ZNF225: variants seen among roughly 807,000 people sequenced by gnomAD.
ZNF225 encodes the protein zinc finger protein 225.
A neutral mutation model predicts 12.0 loss-of-function variants in ZNF225; 6 were observed. The observed-to-expected ratio is 0.50, with a 90% CI of 0.27 to 0.98. ZNF225 has a LOEUF of 0.98. Ranked by LOEUF, ZNF225 falls within the 50% of genes least tolerant of loss-of-function variation. The pLI is 0.11. For missense variants in ZNF225, 763 were observed against 848.2 expected (o/e 0.90, Z 1.25); for synonymous variants, 271 against 283.2 (o/e 0.96, Z 0.43).
chr19:44,122,743 G>C (rs1968079099), intron 4 of ZNF225, among the ~76,000 whole-genome samples: 1 of 151,750 alleles, frequency 6.6e-6, no homozygotes, highest in South Asian at 2.1e-4. Flanking sequence ...CTGAGTATTT[G>C]ATTTTTTTTG....
At position 44,132,200 on chromosome 19, in the gene ZNF225, C is replaced by T; in HGVS notation, c.1586C>T (p.Ser529Phe). 1.9e-6 allele frequency: 3 copies of T among 1,613,948 alleles called. No homozygotes were observed. The highest frequency in any genetic ancestry group is 1.7e-6 in the Non-Finnish European group (2 of 1,180,006). Reference sequence around the variant, plus strand: ...TTTACTCAGAATTCACAACTTTATTCTCATCGCAGAGTCCACACTGGAGTA... The same window carrying T: ...TTTACTCAGAATTCACAACTTTATTTTCATCGCAGAGTCCACACTGGAGTA... Reference protein sequence around the residue: ...KRFTQNSQLYSHRRVHTGVKP... With the variant: ...KRFTQNSQLYFHRRVHTGVKP... The change falls in exon 5 of 5, where the codon TCT becomes TTT. Residue 529 changes from serine to phenylalanine, a missense_variant. By Grantham distance (155) the Ser-to-Phe change is radical (BLOSUM62 -2). Coordinates refer to ENST00000262894, the MANE Select transcript of ZNF225 (RefSeq NM_013362.4).
chr19:44,111,730 G>T (rs1427834045), upstream of ZNF225, among the ~76,000 whole-genome samples: 1 of 152,170 alleles, frequency 6.6e-6, no homozygotes, highest in African/African-American at 2.4e-5. Flanking sequence ...TCCAAAATAG[G>T]TAATAGAAAA....
intron 4 of ZNF225, among the ~76,000 whole-genome samples, chr19:44,119,095 C>T (rs897594087): frequency 2.0e-5 from 3 of 152,086 alleles, no homozygotes; most frequent in African/African-American, 4.8e-5. Context: ...GGATTACAGG[C>T]GTGAGCCACC....
intron 1 of ZNF225, among the ~76,000 whole-genome samples, chr19:44,114,763 G>T (rs1967905407): frequency 6.6e-6 from 1 of 152,186 alleles, no homozygotes; most frequent in African/African-American, 2.4e-5. Flanking sequence ...CAACCGCCTT[G>T]GCCTCCCAAA....
At chr19:44,130,724 A>AT (rs56206619) in intron 4 of ZNF225, 126 bp from the exon 5 acceptor site, 6 of 494,648 alleles carry the variant, frequency 1.2e-5, no homozygotes, top group Non-Finnish European at 2.1e-5. Flanking sequence ...AAAAAAAAAA[A>AT]GGAAAATACA....
Position 44,134,403 on chromosome 19 carries a change from C to G in ZNF225, c.*1668C>G, listed in dbSNP as rs1046763462. 2.0e-5 allele frequency: 3 copies of G among 152,154 alleles called. No individual in the cohort carries two copies. The highest frequency in any genetic ancestry group is 7.2e-5 in the African/African-American group (3 of 41,440). The allele number at this position is 152,154 out of a possible 1,614,324, so 9.4% of individuals were successfully genotyped here. On this transcript the variant is annotated 3_prime_UTR_variant, in exon 5 of 5. Transcript: ENST00000262894. ...CCTACCAGTTATGGAATGGTGGCAA[C>G]CCTCTCAAACTCCGTGTTTCCTAAC...
chr19:44,129,113 G>A lies in ZNF225; in HGVS notation c.236-1737G>A, dbSNP rs1021994096. 2.4e-6 allele frequency: 3 copies of A among 1,230,966 alleles called. No individual in the cohort carries two copies. The East Asian group carries it at 9.5e-5, about 39-fold the overall frequency. 76.3% of individuals were successfully genotyped at this position (1,230,966 alleles called of 1,614,324 possible). On this transcript the variant is annotated intron_variant, in intron 4 of 4. Coordinates refer to ENST00000262894, the MANE Select transcript of ZNF225 (RefSeq NM_013362.4). ...TTCTATTTCAGGTAACCAAGTTATT[G>A]TTCATATCAGTACAGACAAATGAGA... is the stretch of plus-strand genomic sequence containing the variant.
chr19:44,126,613 T>C (rs1599678659), intron 4 of ZNF225, among the ~76,000 whole-genome samples: 3 of 152,028 alleles, frequency 2.0e-5, no homozygotes, highest in African/African-American at 7.2e-5. Flanking sequence ...CAAGATTATA[T>C]GCCCTTTGTC....
rs1300375115 is a variant in ZNF225, at chr19:44,132,630, A to G, written c.2016A>G (p.Arg672=). Reference sequence around the variant, plus strand: ...GTTCATGCCTTAAAGACCAACAAAGAGACCAAAGTGGAGAGAAAACATCTA... The same window carrying G: ...GTTCATGCCTTAAAGACCAACAAAGGGACCAAAGTGGAGAGAAAACATCTA... ...VHSSCLKDQQ[R]DQSGEKTSKC... is the part of the protein sequence containing the mutation. The change falls in exon 5 of 5, where the codon AGA becomes AGG. Residue 672 remains arginine (R), a synonymous_variant. Coordinates refer to ENST00000262894, the MANE Select transcript of ZNF225 (RefSeq NM_013362.4). 1 of 1,613,960 alleles carries G rather than the reference A, an allele frequency of 6.2e-7. No individual in the cohort carries two copies. Among genetic ancestry groups the G allele is most frequent in the African/African-American group, 1.3e-5 (1 of 75,024 alleles).
intron 4 of ZNF225, chr19:44,129,954 A>G (rs1006483425): frequency 2.6e-5 from 4 of 152,236 alleles, no homozygotes; most frequent in Non-Finnish European, 4.4e-5. Flanking sequence ...CTTCTCCTTA[A>G]AGTTCACATT....
chr19:44,130,553 C>T (rs1968224069), intron 4 of ZNF225: 1 of 245,410 alleles, frequency 4.1e-6, no homozygotes, highest in South Asian at 7.0e-5. Flanking sequence ...AAAAAATTAG[C>T]TGGGCGTGGT....
intron 4 of ZNF225, among the ~76,000 whole-genome samples, chr19:44,124,051 T>C (rs1968101737): frequency 6.6e-6 from 1 of 152,056 alleles, no homozygotes. Context: ...TTTCTTCTGC[T>C]GGGTTTGGGT....
chr19:44,129,007 C>A, intron 4 of ZNF225: 1 of 1,207,440 alleles, frequency 8.3e-7, no homozygotes, highest in Non-Finnish European at 1.0e-6. Flanking sequence ...TTCATTGTCT[C>A]ATCAGGATCA....
At chr19:44,112,632 T>G (rs1346469625), upstream of ZNF225, among the ~76,000 whole-genome samples, 2 of 152,222 alleles carry the variant, frequency 1.3e-5, no homozygotes, top group Admixed American at 1.3e-4. Flanking sequence ...TTTGATACAA[T>G]GTTAATATGA....
At chr19:44,116,635 G>A (rs1336550133) in intron 2 of ZNF225, among the ~76,000 whole-genome samples, 1 of 152,000 alleles carries the variant, frequency 6.6e-6, no homozygotes, top group Non-Finnish European at 1.5e-5. Context: ...AAAATCCAAA[G>A]GAATGTGAAT....
chr19:44,113,258 A>G (rs1364568941), upstream of ZNF225: 1 of 152,314 alleles, frequency 6.6e-6, no homozygotes, highest in Non-Finnish European at 1.5e-5. Context: ...TGGGAAATGT[A>G]GTCCAGACGC....
intron 4 of ZNF225, among the ~76,000 whole-genome samples, chr19:44,119,150 A>G (rs976047320): frequency 1.3e-5 from 2 of 152,034 alleles, no homozygotes; most frequent in African/African-American, 2.4e-5. Context: ...CAAGTGTTTT[A>G]AGTGCCTTTT....
chr19:44,117,157 C>T (rs1388239783), intron 2 of ZNF225, among the ~76,000 whole-genome samples: 1 of 152,146 alleles, frequency 6.6e-6, no homozygotes, highest in East Asian at 1.9e-4. Context: ...ATTTAGTCTG[C>T]ACTGATCAAC....
At chr19:44,118,134 T>G in intron 2 of ZNF225, 54 bp from the exon 3 acceptor site, 1 of 1,573,602 alleles carries the variant, frequency 6.4e-7, no homozygotes, top group Non-Finnish European at 8.6e-7. Flanking sequence ...GTGCCACCCC[T>G]CTCTCAGTAG....
Sources: gnomAD v4.1 joint callset for allele counts (sites outside exome capture counted in the v4.1 genomes callset) on GRCh38, gnomAD v4.1.1 for gene constraint, MANE v1.5 for transcripts, NCBI Gene and HGNC (gene_info 2026-07-23, HGNC 2026-07-21) for gene names.